PRAG1: variants seen among roughly 807,000 people sequenced by gnomAD.
The protein encoded by PRAG1 is PEAK1 related, kinase-activating pseudokinase 1, also known as inactive tyrosine-protein kinase PRAG1.
Under a neutral mutation model 95.6 loss-of-function variants are expected in PRAG1, and 110 were observed. That is an observed-to-expected ratio of 1.15 (90% confidence interval 0.99 to 1.35). The LOEUF is 1.35. Among genes scored for constraint, PRAG1 ranks in the 40% most tolerant of loss-of-function variants. The probability of loss-of-function intolerance (pLI) is 0.00; values close to 1 mark genes in which losing one functional copy is unlikely to be tolerated. For missense variants in PRAG1, 2,554 were observed against 1,864.7 expected, an observed-to-expected ratio of 1.37 and a Z score of -6.81; for synonymous variants, 1,052 against 819.4, an observed-to-expected ratio of 1.28 and a Z score of -4.85.
chr8:8,324,196 C>A (rs975440234), intron 5 of PRAG1, among the ~76,000 whole-genome samples: 3 of 152,176 alleles, frequency 2.0e-5, no homozygotes, highest in Non-Finnish European at 4.4e-5. Flanking sequence ...TTGTGCAAAC[C>A]CGAAGAGCAC....
Position 8,318,252 on chromosome 8 carries a change from G to T in PRAG1, c.4123C>A (p.Arg1375=), listed in dbSNP as rs1010995750. 1.9e-6 allele frequency: 3 copies of T among 1,614,036 alleles called. No homozygotes were observed. The highest frequency in any genetic ancestry group is 2.7e-5 in the African/African-American group (2 of 74,936). The change falls in exon 6 of 6, where the codon CGG becomes AGG. Residue 1375 remains arginine, a synonymous_variant. Coordinates refer to ENST00000615670, the MANE Select transcript of PRAG1 (RefSeq NM_001080826.3). This position sits in a 1 kb window ranked among gnomAD's most constrained non-coding sequence, Gnocchi z 4.2. ...KFAEKAVDRR[R]GVELEDWLCC... is the part of the protein sequence containing the mutation. ...AGCCAGTCCTCCAGCTCCACGCCCC[G>T]CCTGCGATCCACCGCCTTCTCCGCA...
chr8:8,371,843 C>A (rs919771282), intron 3 of PRAG1, among the ~76,000 whole-genome samples: 1 of 152,104 alleles, frequency 6.6e-6, no homozygotes, highest in Non-Finnish European at 1.5e-5. Context: ...CCAGCCTGGG[C>A]GGCAGAGTGA....
At position 8,318,124 on chromosome 8, in the gene PRAG1, G is replaced by A; in HGVS notation, c.*30C>T. The A allele has an allele frequency of 1.9e-6, 3 of 1,581,362 alleles. No homozygotes were observed. Among genetic ancestry groups the A allele is most frequent in the Non-Finnish European group, 2.6e-6 (3 of 1,163,332 alleles). ...GACAGGAAAGGGTTAGGCAGGGAAG[G>A]GGCAGCGACGGTGCAGGCTGGGGCT... On this transcript the variant is annotated 3_prime_UTR_variant, in exon 6 of 6. Coordinates refer to ENST00000615670, the MANE Select transcript of PRAG1 (RefSeq NM_001080826.3). This position sits in a 1 kb window ranked among gnomAD's most constrained non-coding sequence, Gnocchi z 4.2.
chr8:8,385,570 A>T (rs1181107610), intron 1 of PRAG1, among the ~76,000 whole-genome samples: 1 of 152,158 alleles, frequency 6.6e-6, no homozygotes, highest in Non-Finnish European at 1.5e-5. Context: ...CTGACTCCGC[A>T]CTGAATGCAT....
At chr8:8,342,333 C>A (rs1799197106) in intron 3 of PRAG1, among the ~76,000 whole-genome samples, 1 of 151,274 alleles carries the variant, frequency 6.6e-6, no homozygotes, top group Non-Finnish European at 1.5e-5. Context: ...GCTGGGACTA[C>A]AGGAGGCGCC....
rs113805422 is a variant in PRAG1, at chr8:8,347,083, C to G, written c.2163-7448G>C. On this transcript the variant is annotated intron_variant, in intron 3 of 5. Transcript: ENST00000615670. ...CAGTCTATACATGTTTTTTCAATTA[C>G]AAAGAAGAAAGGAAAAGACTGGTTT... 8.5e-3 allele frequency among the ~76,000 whole-genome samples: 1,297 copies of G among 152,274 alleles called. 17 individuals carry two copies. Among genetic ancestry groups the G allele is most frequent in the African/African-American group, 0.029 (1,196 of 41,552 alleles).
At chr8:8,344,562 T>C (rs1799273340) in intron 3 of PRAG1, among the ~76,000 whole-genome samples, 1 of 152,206 alleles carries the variant, frequency 6.6e-6, no homozygotes, top group Non-Finnish European at 1.5e-5. Flanking sequence ...AGCAGTAACA[T>C]TTTATTTTTA....
chr8:8,339,373 A>T, intron 4 of PRAG1, 105 bp downstream of exon 4: 3 of 1,243,376 alleles, frequency 2.4e-6, no homozygotes, highest in South Asian at 3.0e-5. Context: ...AAGCAGGACC[A>T]AGACAGTAGT....
At position 8,376,420 on chromosome 8, in the gene PRAG1, C is replaced by A. The variant is rs1325395772; in HGVS notation, c.1989G>T (p.Thr663=). The A allele has an allele frequency of 6.2e-7, 1 of 1,614,018 alleles. No homozygotes were observed. Among genetic ancestry groups the A allele is most frequent in the Non-Finnish European group, 8.5e-7 (1 of 1,180,048 alleles). The part of the protein sequence containing the change: ...SWGRETKNGP[T]DHSNSTTWHR... ...GCCAGGTCGTGGAGTTTGAATGGTC[C>A]GTGGGGCCATTTTTGGTCTCTCTTC... Residue 663 remains threonine, a synonymous_variant, in exon 3 of 6, where the codon ACG becomes ACT. Coordinates refer to ENST00000615670, the MANE Select transcript of PRAG1 (RefSeq NM_001080826.3).
At chr8:8,366,843 C>T (rs1375041057) in intron 3 of PRAG1, among the ~76,000 whole-genome samples, 2 of 151,382 alleles carry the variant, frequency 1.3e-5, no homozygotes, top group Non-Finnish European at 2.9e-5. Flanking sequence ...ATGCCCTACT[C>T]ATTTTTGTAA....
chr8:8,339,842 G>A (rs1799110372), intron 3 of PRAG1, among the ~76,000 whole-genome samples: 1 of 152,168 alleles, frequency 6.6e-6, no homozygotes, highest in Admixed American at 6.5e-5. Flanking sequence ...CCAGAGTGTG[G>A]TTAGGAGAAG....
chr8:8,354,140 G>C (rs767576506), intron 3 of PRAG1, among the ~76,000 whole-genome samples: 23 of 152,052 alleles, frequency 1.5e-4, no homozygotes, highest in Non-Finnish European at 2.1e-4. Flanking sequence ...GATCATAAGG[G>C]ACTATTATGA....
intron 2 of PRAG1, among the ~76,000 whole-genome samples, chr8:8,381,200 T>C (rs560483100): frequency 6.6e-5 from 10 of 152,294 alleles, no homozygotes; most frequent in Admixed American, 2.0e-4. Context: ...CAGGAGGAAA[T>C]TCTGGGGGAC....
intron 3 of PRAG1, among the ~76,000 whole-genome samples, chr8:8,345,295 C>A (rs1799299915): frequency 1.3e-5 from 2 of 150,264 alleles, no homozygotes; most frequent in African/African-American, 4.9e-5. Context: ...CTTTAGGAGG[C>A]CGAGGTGGGA....
chr8:8,373,864 C>G (rs562694812), intron 3 of PRAG1, among the ~76,000 whole-genome samples: 3 of 152,284 alleles, frequency 2.0e-5, no homozygotes, highest in Admixed American at 6.5e-5. Flanking sequence ...AGGGTTTTAT[C>G]ATAACAAACT....
rs781036350 is a variant in PRAG1, at chr8:8,380,336, C to T, written c.330+1082G>A. The stretch of plus-strand genomic sequence containing the variant: ...AAAATAGGCCAGGCGCGGTGGCTCA[C>T]GCCTATAATCTCAGCACTTTGGGAG... On this transcript the variant is annotated intron_variant, in intron 2 of 5. Transcript: ENST00000615670. Among the ~76,000 whole-genome samples the T allele has an allele frequency of 6.6e-5, 10 of 151,086 alleles. No homozygotes were observed. The South Asian group carries it at 1.5e-3, about 22-fold the overall frequency.
At chr8:8,385,473 T>G (rs752411827) in intron 1 of PRAG1, among the ~76,000 whole-genome samples, 1 of 152,154 alleles carries the variant, frequency 6.6e-6, no homozygotes, top group Non-Finnish European at 1.5e-5. Context: ...TCCCTAGGGC[T>G]TTCTGTCAAA....
chr8:8,364,117 C>G (rs1430352694), intron 3 of PRAG1, among the ~76,000 whole-genome samples: 2 of 152,174 alleles, frequency 1.3e-5, no homozygotes, highest in Non-Finnish European at 2.9e-5. Context: ...GTTGTGGGGA[C>G]AAGATGTAGT....
intron 3 of PRAG1, among the ~76,000 whole-genome samples, chr8:8,349,470 G>T (rs991804085): frequency 6.6e-6 from 1 of 151,930 alleles, no homozygotes; most frequent in African/African-American, 2.4e-5. Context: ...TTTTAGTAGA[G>T]ACGGGGTTTC....
Sources: allele counts gnomAD v4.1 joint callset (sites outside exome capture counted in the v4.1 genomes callset), GRCh38; gene constraint gnomAD v4.1.1; non-coding constraint Gnocchi (gnomAD v3.1); transcripts MANE v1.5; gene names NCBI Gene and HGNC (gene_info 2026-07-23, HGNC 2026-07-21).